The following DDX47 variants were observed in gnomAD, a reference collection of about 807,000 sequenced individuals.
DDX47 encodes the protein probable ATP-dependent RNA helicase DDX47.
A neutral mutation model predicts 58.8 loss-of-function variants in DDX47; 60 were observed. The ratio of observed to expected loss-of-function variants is 1.02; its 90% confidence interval spans 0.83 to 1.26. The LOEUF is 1.26. Ranked by LOEUF, DDX47 falls within the 50% of genes most tolerant of loss-of-function variation. The probability of loss-of-function intolerance (pLI) is 0.00; values close to 1 mark genes in which losing one functional copy is unlikely to be tolerated. For synonymous variants in DDX47, 197 were observed against 204.6 expected, an observed-to-expected ratio of 0.96 and a Z score of 0.32; for missense variants, 530 against 573.2, an observed-to-expected ratio of 0.92 and a Z score of 0.77.
chr12:12,826,359 T>C, intron 10 of DDX47: 1 of 225,386 alleles, frequency 4.4e-6, no homozygotes. Context: ...AATAACTATT[T>C]CCAATTGTTT....
chr12:12,827,499 A>G, intron 11 of DDX47, 124 bp downstream of exon 11: 4 of 1,165,996 alleles, frequency 3.4e-6, no homozygotes, highest in Non-Finnish European at 4.9e-6. Context: ...ATTTAAGACG[A>G]GCAAACTAAG....
At chr12:12,814,366 T>C (rs1862864790) in intron 2 of DDX47, 142 bp downstream of exon 2, 1 of 629,772 alleles carries the variant, frequency 1.6e-6, no homozygotes, top group Non-Finnish European at 2.9e-6. Context: ...TATTTGAAAA[T>C]GTCATTCTCC....
rs569414904 is a variant in DDX47, at chr12:12,822,103, C to T, written c.561+20C>T. 6.4e-7 allele frequency: 1 copy of T among 1,557,810 alleles called. No individual in the cohort carries two copies. Among genetic ancestry groups the T allele is most frequent in the African/African-American group, 1.4e-5 (1 of 73,848 alleles). ...ACAGAGGTGAGCTCTCAATTTCTTT[C>T]CTCCTCTTAGAGCATCTCAAGGTTC... is the stretch of plus-strand genomic sequence containing the variant. On this transcript the variant is annotated intron_variant, in intron 5 of 11. Coordinates refer to ENST00000358007, the MANE Select transcript of DDX47 (RefSeq NM_016355.4).
intron 6 of DDX47, 139 bp from the exon 7 acceptor site, chr12:12,823,063 TA>T (rs1180082241): frequency 1.5e-6 from 1 of 677,472 alleles, no homozygotes; most frequent in Non-Finnish European, 2.6e-6. Context: ...TGTGATCCAA[TA>T]ACCTCCCACC....
intron 8 of DDX47, 194 bp from the exon 9 acceptor site, chr12:12,824,346 T>C: frequency 1.7e-6 from 1 of 595,334 alleles, no homozygotes; most frequent in Non-Finnish European, 2.8e-6. Flanking sequence ...ACTACCCTTA[T>C]TTTGTATCAT....
Position 12,827,363 on chromosome 12 carries a change from G to A in DDX47, c.1224G>A (p.Arg408=), listed in dbSNP as rs1327472985. Residue 408 remains arginine, a synonymous_variant, in exon 11 of 12, where the codon AGG becomes AGA. Coordinates refer to ENST00000358007, the MANE Select transcript of DDX47 (RefSeq NM_016355.4). ...MLTERVAEAQ[R]FARMELREHG... is the part of the protein sequence containing the mutation. ...CAGAACGCGTCGCTGAAGCCCAAAGGTTTGCCCGAATGGTATGCATCTTTC... is the reference window on the plus strand; with the variant it reads ...CAGAACGCGTCGCTGAAGCCCAAAGATTTGCCCGAATGGTATGCATCTTTC... 1.2e-6 allele frequency: 2 copies of A among 1,613,966 alleles called. No homozygotes were observed. The highest frequency in any genetic ancestry group is 2.2e-5 in the East Asian group (1 of 44,902).
chr12:12,829,322 C>G, intron 11 of DDX47, 101 bp from the exon 12 acceptor site: 2 of 1,332,814 alleles, frequency 1.5e-6, no homozygotes, highest in Non-Finnish European at 2.0e-6. Flanking sequence ...CAGGCATCAG[C>G]AAGTTACTTG....
At chr12:12,821,462 G>T (rs150532818) in intron 3 of DDX47, 66 bp downstream of exon 3, 1 of 1,570,220 alleles carries the variant, frequency 6.4e-7, no homozygotes, top group East Asian at 2.2e-5. Context: ...GTGGAGGAAG[G>T]AGAATGGAGG....
At chr12:12,817,829 A>C (rs1463371394) in intron 2 of DDX47, among the ~76,000 whole-genome samples, 1 of 152,172 alleles carries the variant, frequency 6.6e-6, no homozygotes, top group Non-Finnish European at 1.5e-5. Flanking sequence ...ACTTACTAAA[A>C]AACTGAAAGC....
Position 12,821,349 on chromosome 12 carries a change from T to A in DDX47, c.323T>A (p.Ile108Asn). The part of the protein sequence containing the change: ...LTPTRELAFQ[I>N]SEQFEALGSS... Reference sequence around the variant, plus strand: ...CCGACTCGGGAGCTGGCCTTTCAGATCTCAGAGCAGTTTGAAGCCCTGGGG... The same window carrying A: ...CCGACTCGGGAGCTGGCCTTTCAGAACTCAGAGCAGTTTGAAGCCCTGGGG... The change falls in exon 3 of 12, where the codon ATC (isoleucine) becomes AAC (asparagine). Residue 108 changes from isoleucine to asparagine, a missense_variant. Transcript: ENST00000358007. The A allele has an allele frequency of 6.2e-7, 1 of 1,614,196 alleles. No homozygotes were observed. The highest frequency in any genetic ancestry group is 8.5e-7 in the Non-Finnish European group (1 of 1,180,032).
intron 1 of DDX47, among the ~76,000 whole-genome samples, chr12:12,813,862 A>G (rs1862852221): frequency 6.6e-6 from 1 of 152,212 alleles, no homozygotes; most frequent in Non-Finnish European, 1.5e-5. Context: ...TGGGGATAGT[A>G]ATAAGTACTT....
At chr12:12,821,528 TG>T (rs1862972938) in intron 3 of DDX47, 126 bp from the exon 4 acceptor site, 2 of 1,426,018 alleles carry the variant, frequency 1.4e-6, no homozygotes, top group Non-Finnish European at 2.0e-6. Flanking sequence ...ATTTGAGCTT[TG>T]GGAAGAGTAT....
intron 2 of DDX47, among the ~76,000 whole-genome samples, chr12:12,814,982 A>G (rs1428697593): frequency 1.3e-5 from 2 of 152,292 alleles, no homozygotes; most frequent in East Asian, 3.9e-4. Context: ...TGGCTGTAAC[A>G]GGATGAACTT....
rs1862993455 is a variant in DDX47, at chr12:12,822,851, A to G, written c.633+119A>G. ...CGTTTTCACACTGCTATAAAGAACT[A>G]TCTGAGACTAGGTAATTTATACAGA... On this transcript the variant is annotated intron_variant, in intron 6 of 11. Transcript: ENST00000358007. The G allele has an allele frequency of 3.6e-6, 3 of 823,982 alleles. No individual in the cohort carries two copies. The East Asian group carries it at 7.6e-5, about 21-fold the overall frequency. 51.0% of individuals were successfully genotyped at this position (823,982 alleles called of 1,614,324 possible).
At chr12:12,823,414 T>C (rs12299090) in intron 7 of DDX47, 95 bp downstream of exon 7, 1 of 793,738 alleles carries the variant, frequency 1.3e-6, no homozygotes, top group East Asian at 2.4e-5. Context: ...AGAGCTGTAA[T>C]GCAGATTGGC....
At position 12,824,012 on chromosome 12, in the gene DDX47, GTCAGGTAAGGATTCATCA is replaced by G; in HGVS notation, c.897_897+17del. 6.2e-7 allele frequency: 1 copy of G among 1,613,514 alleles called. No individual in the cohort carries two copies. Among genetic ancestry groups the G allele is most frequent in the Non-Finnish European group, 8.5e-7 (1 of 1,179,774 alleles). On this transcript the variant is annotated splice_donor_variant and splice_donor_5th_base_variant and coding_sequence_variant and intron_variant, in exon 8 of 12. Transcript: ENST00000358007. LOFTEE classifies it high-confidence loss of function. Reference sequence around the variant, plus strand: ...GCCATCCCCCTCCATGGACAAATGAGTCAGGTAAGGATTCATCATCATCATCAGCCATGCACTGGTGGC... The same window carrying G: ...GCCATCCCCCTCCATGGACAAATGAGTCATCATCAGCCATGCACTGGTGGC...
chr12:12,826,124 A>C, intron 10 of DDX47, 54 bp downstream of exon 10: 2 of 1,497,750 alleles, frequency 1.3e-6, no homozygotes, highest in East Asian at 2.3e-5. Context: ...CAGAACTTTC[A>C]AGCCACTGGC....
rs936295606 is a variant in DDX47 at position 12,826,059 on chromosome 12, T to C, written c.1095T>C (p.Thr365=). ...CTGGGCGCTCCGGAAAGGCTATTAC[T>C]TTTGTCACACAGTAAGTAAATCAGC... is the stretch of plus-strand genomic sequence containing the variant. ...ARAGRSGKAI[T]FVTQYDVELF... Residue 365 remains threonine, a synonymous_variant, in exon 10 of 12, where the codon ACT becomes ACC. Coordinates refer to ENST00000358007, the MANE Select transcript of DDX47 (RefSeq NM_016355.4). 3.1e-6 allele frequency: 5 copies of C among 1,613,562 alleles called. No individual in the cohort carries two copies. The highest frequency in any genetic ancestry group is 4.2e-6 in the Non-Finnish European group (5 of 1,179,742).
intron 10 of DDX47, among the ~76,000 whole-genome samples, chr12:12,826,451 C>CTT (rs58109281): frequency 1.4e-5 from 2 of 144,596 alleles, no homozygotes; most frequent in Non-Finnish European, 3.1e-5. Flanking sequence ...CCCTCCTTTC[C>CTT]TTTTTTTTTT....
Sources: gnomAD v4.1 joint callset for allele counts (sites outside exome capture counted in the v4.1 genomes callset) on GRCh38, gnomAD v4.1.1 for gene constraint, MANE v1.5 for transcripts, NCBI Gene and HGNC (gene_info 2026-07-23, HGNC 2026-07-21) for gene names.